Variants in ACSM2A observed in about 807,000 individuals in gnomAD.
ACSM2A encodes acyl-CoA synthetase medium chain family member 2A.
A neutral mutation model predicts 76.6 loss-of-function variants in ACSM2A; 72 were observed. That is an observed-to-expected ratio of 0.94 (90% confidence interval 0.78 to 1.14). ACSM2A has a LOEUF of 1.14. Among genes scored for constraint, ACSM2A ranks in the 50% most tolerant of loss-of-function variants. ACSM2A has a pLI of 0.00. For missense variants in ACSM2A, 684 were observed against 708.5 expected, an observed-to-expected ratio of 0.97 and a Z score of 0.39; for synonymous variants, 249 against 255.9, an observed-to-expected ratio of 0.97 and a Z score of 0.26.
intron 12 of ACSM2A, chr16:20,482,018 C>G (rs2014112467): frequency 7.4e-6 from 1 of 135,110 alleles, no homozygotes; most frequent in Non-Finnish European, 1.6e-5. Context: ...ATCTGTAATC[C>G]CAGCTACTCA....
At chr16:20,478,853 C>T (rs1025076175) in intron 10 of ACSM2A, among the ~76,000 whole-genome samples, 176 bp downstream of exon 10, 1 of 152,200 alleles carries the variant, frequency 6.6e-6, no homozygotes, top group Non-Finnish European at 1.5e-5. Flanking sequence ...TTCAGCCTTG[C>T]CATCCTCAGC....
Position 20,451,667 on chromosome 16 carries a change from G to A in ACSM2A, c.-23G>A, listed in dbSNP as rs1414348535. 6.6e-6 allele frequency: 1 copy of A among 152,246 alleles called. No individual in the cohort carries two copies. The highest frequency in any genetic ancestry group is 1.5e-5 in the Non-Finnish European group (1 of 68,350). 9.4% of individuals were successfully genotyped at this position (152,246 alleles called of 1,614,324 possible). ...GAAGCTCTCTCTAGAAAGACATCCT[G>A]AGAGGACTTGGCAGGTGAGCACTGT... On this transcript the variant is annotated 5_prime_UTR_variant, in exon 1 of 14. Transcript: ENST00000573854.
intron 1 of ACSM2A, among the ~76,000 whole-genome samples, chr16:20,454,656 A>G (rs2012012162): frequency 6.6e-6 from 1 of 151,992 alleles, no homozygotes; most frequent in African/African-American, 2.4e-5. Flanking sequence ...AAGAATCTGA[A>G]CAATAGCCTT....
chr16:20,478,358 T>G (rs1332059138), intron 9 of ACSM2A, among the ~76,000 whole-genome samples: 1 of 152,204 alleles, frequency 6.6e-6, no homozygotes, highest in Non-Finnish European at 1.5e-5. Context: ...CAGGCTCATC[T>G]GGGCCAGTCT....
intron 2 of ACSM2A, among the ~76,000 whole-genome samples, chr16:20,461,627 T>C (rs1470383152): frequency 6.6e-6 from 1 of 152,070 alleles, no homozygotes; most frequent in African/African-American, 2.4e-5. Flanking sequence ...TGCAACTCAT[T>C]ATAAAACCAG....
intron 1 of ACSM2A, among the ~76,000 whole-genome samples, chr16:20,457,326 T>C (rs2012239412): frequency 6.6e-6 from 1 of 152,022 alleles, no homozygotes; most frequent in Non-Finnish European, 1.5e-5. Flanking sequence ...AAGCCAGTAT[T>C]ACCCTCATAC....
In ACSM2A at chr16:20,477,324, G is replaced by T. The variant is rs369416881; in HGVS notation, c.1099-45G>T. The T allele has an allele frequency of 1.1e-5, 18 of 1,581,024 alleles. No individual in the cohort carries two copies. The African/African-American group carries it at 2.3e-4, about 20-fold the overall frequency. ...AAATTTTTTCTTTTTCTGTGACCTT[G>T]TACCTCCTCCTGAGGTTTGCTGATC... On this transcript the variant is annotated intron_variant, in intron 8 of 13. Transcript: ENST00000573854.
At chr16:20,467,260 C>A (rs7193826) in intron 3 of ACSM2A, among the ~76,000 whole-genome samples, 6 of 151,618 alleles carry the variant, frequency 4.0e-5, no homozygotes, top group Non-Finnish European at 8.8e-5. Flanking sequence ...AGGTGCTAAA[C>A]TGGCAGTGCC....
chr16:20,472,918 T>C (rs1478302102), intron 6 of ACSM2A, among the ~76,000 whole-genome samples: 1 of 152,164 alleles, frequency 6.6e-6, no homozygotes, highest in Non-Finnish European at 1.5e-5. Flanking sequence ...TTTAAGATGG[T>C]TTTCTAGAAG....
rs1463415133 is a variant in ACSM2A at position 20,486,618 on chromosome 16, T to A, written c.1674T>A (p.Ile558=). 3 of 1,614,128 alleles carry A rather than the reference T, an allele frequency of 1.9e-6. No individual in the cohort carries two copies. Among genetic ancestry groups the A allele is most frequent in the Middle Eastern group, 1.6e-4 (1 of 6,062 alleles). The change falls in exon 14 of 14, where the codon ATT becomes ATA. Residue 558 remains isoleucine (I), a synonymous_variant. Transcript: ENST00000573854. ...LNLPKTVTGK[I]QRAKLRDKEW... ...TGCCCAAGACTGTCACAGGGAAAATTCAACGAGCCAAGCTTCGAGACAAGG... is the reference window on the plus strand; with the variant it reads ...TGCCCAAGACTGTCACAGGGAAAATACAACGAGCCAAGCTTCGAGACAAGG...
intron 3 of ACSM2A, among the ~76,000 whole-genome samples, chr16:20,468,347 G>A (rs2013142241): frequency 2.6e-5 from 4 of 152,188 alleles, no homozygotes; most frequent in Admixed American, 2.6e-4. Context: ...TGAAACCTGT[G>A]TAGTTATTCT....
chr16:20,477,577 A>G lies in ACSM2A; in HGVS notation c.1179+128A>G, dbSNP rs112312891. The G allele has an allele frequency of 5.3e-3, 7,748 of 1,449,188 alleles. 344 individuals are homozygous for G. The African/African-American group carries it at 0.095, about 18-fold the overall frequency. The allele number at this position is 1,449,188 out of a possible 1,614,324, so 89.8% of individuals were successfully genotyped here. On this transcript the variant is annotated intron_variant, in intron 9 of 13. Transcript: ENST00000573854. ...GATATTAAGATAACATAAGAAAAAA[A>G]GGAGGTAGGGAGGTTGGGGGAAGGA...
At chr16:20,469,377 A>T in intron 3 of ACSM2A, 135 bp from the exon 4 acceptor site, 2 of 1,463,448 alleles carry the variant, frequency 1.4e-6, no homozygotes, top group South Asian at 1.5e-5. Flanking sequence ...TCCCTTTTTT[A>T]TTGACACTCT....
At position 20,475,631 on chromosome 16, in the gene ACSM2A, A is replaced by T; in HGVS notation, c.975-19A>T. On this transcript the variant is annotated intron_variant, in intron 7 of 13. Coordinates refer to ENST00000573854, the MANE Select transcript of ACSM2A (RefSeq NM_001308172.2). ...GGTTCCAGGGAGGCTGAGGGCAAAC[A>T]TTTATTTCTCTTCTTCAGTTACAAG... 6.2e-7 allele frequency: 1 copy of T among 1,613,848 alleles called. No individual in the cohort carries two copies. Among genetic ancestry groups the T allele is most frequent in the Non-Finnish European group, 8.5e-7 (1 of 1,179,840 alleles).
chr16:20,468,094 G>C (rs2013125214), intron 3 of ACSM2A, among the ~76,000 whole-genome samples: 1 of 152,142 alleles, frequency 6.6e-6, no homozygotes, highest in South Asian at 2.1e-4. Context: ...CCTGTGGAAA[G>C]AGAGAACAAG....
chr16:20,473,962 T>G (rs1223125586), intron 6 of ACSM2A: 1 of 425,300 alleles, frequency 2.4e-6, no homozygotes, highest in Non-Finnish European at 4.6e-6. Context: ...TCCCAGGTCT[T>G]TAGATAAACT....
At chr16:20,456,497 A>G (rs2012165103) in intron 1 of ACSM2A, among the ~76,000 whole-genome samples, 1 of 151,910 alleles carries the variant, frequency 6.6e-6, no homozygotes, top group Non-Finnish European at 1.5e-5. Flanking sequence ...CTCCAAAAGG[A>G]ATCTTCAAAA....
At chr16:20,477,110 A>G in intron 8 of ACSM2A, 1 of 478,520 alleles carries the variant, frequency 2.1e-6, no homozygotes, top group Non-Finnish European at 3.3e-6. Flanking sequence ...TTCCCCCTAA[A>G]AGAGATTATA....
intron 9 of ACSM2A, among the ~76,000 whole-genome samples, chr16:20,478,339 G>A (rs535382042): frequency 6.6e-6 from 1 of 152,260 alleles, no homozygotes; most frequent in South Asian, 2.1e-4. Flanking sequence ...AGAGCCAAAA[G>A]CATCTCCCCA....
Sources: allele counts gnomAD v4.1 joint callset (sites outside exome capture counted in the v4.1 genomes callset), GRCh38; gene constraint gnomAD v4.1.1; transcripts MANE v1.5; gene names NCBI Gene and HGNC (gene_info 2026-07-23, HGNC 2026-07-21).